SDCCAG8: variants seen among roughly 807,000 people sequenced by gnomAD.
SDCCAG8 encodes the protein SHH signaling and ciliogenesis regulator SDCCAG8, also known as serologically defined colon cancer antigen 8.
SDCCAG8 carries 74 observed loss-of-function variants against 101.8 expected under a neutral mutation model. The ratio of observed to expected loss-of-function variants is 0.73; its 90% confidence interval spans 0.60 to 0.88. SDCCAG8 has a LOEUF of 0.88. Ranked by LOEUF, SDCCAG8 falls within the 40% of genes least tolerant of loss-of-function variation. SDCCAG8 has a pLI of 0.00. For synonymous variants in SDCCAG8, 281 were observed against 292.9 expected (o/e 0.96, Z 0.41); for missense variants, 787 against 822.6 (o/e 0.96, Z 0.53).
chr1:243,409,092 G>C (rs1257910308), intron 13 of SDCCAG8, among the ~76,000 whole-genome samples: 1 of 152,072 alleles, frequency 6.6e-6, no homozygotes, highest in Admixed American at 6.6e-5. Context: ...AACTCAAAAA[G>C]TACCTATACA....
intron 12 of SDCCAG8, among the ~76,000 whole-genome samples, chr1:243,352,588 C>T (rs545851296): frequency 6.6e-6 from 1 of 152,282 alleles, no homozygotes; most frequent in South Asian, 2.1e-4. Flanking sequence ...AAGACAACTA[C>T]ATATGCTTTC....
intron 1 of SDCCAG8, among the ~76,000 whole-genome samples, chr1:243,261,825 T>G (rs1248661097): frequency 6.6e-6 from 1 of 152,082 alleles, no homozygotes; most frequent in African/African-American, 2.4e-5. Context: ...ATATTCATCT[T>G]TTGTTTTATA....
intron 5 of SDCCAG8, among the ~76,000 whole-genome samples, chr1:243,289,517 G>T (rs1387877705): frequency 6.6e-6 from 1 of 152,182 alleles, no homozygotes; most frequent in African/African-American, 2.4e-5. Flanking sequence ...ATTTATTGAT[G>T]ACTACATGGT....
chr1:243,373,255 A>G (rs955847182), intron 12 of SDCCAG8, among the ~76,000 whole-genome samples: 10 of 152,066 alleles, frequency 6.6e-5, no homozygotes, highest in African/African-American at 2.4e-4. Flanking sequence ...GACAATTTTC[A>G]ATGTCTTCAA....
At chr1:243,341,782 G>T (rs977929435) in intron 11 of SDCCAG8, among the ~76,000 whole-genome samples, 3 of 152,056 alleles carry the variant, frequency 2.0e-5, no homozygotes, top group African/African-American at 7.2e-5. Context: ...GTCTTTACTG[G>T]CAATGATTAA....
At chr1:243,374,165 A>C (rs1398719262) in intron 12 of SDCCAG8, among the ~76,000 whole-genome samples, 1 of 152,102 alleles carries the variant, frequency 6.6e-6, no homozygotes, top group African/African-American at 2.4e-5. Flanking sequence ...TCATCAGTCA[A>C]AGAAATCTTC....
chr1:243,389,771 C>G (rs917205130), intron 13 of SDCCAG8, among the ~76,000 whole-genome samples: 7 of 152,102 alleles, frequency 4.6e-5, no homozygotes, highest in African/African-American at 1.7e-4. Context: ...GCCGAGCCTC[C>G]GAAGGGGAAG....
intron 4 of SDCCAG8, among the ~76,000 whole-genome samples, chr1:243,279,276 A>G (rs996066990): frequency 6.6e-6 from 1 of 152,164 alleles, no homozygotes. Flanking sequence ...TGTTTCCTCT[A>G]TTCCTAGTTA....
intron 15 of SDCCAG8, among the ~76,000 whole-genome samples, chr1:243,424,300 C>A (rs1263191173): frequency 3.3e-5 from 5 of 151,934 alleles, no homozygotes; most frequent in Non-Finnish European, 7.4e-5. Flanking sequence ...TCCTTCCACA[C>A]ACAACCTCCC....
intron 12 of SDCCAG8, among the ~76,000 whole-genome samples, chr1:243,364,473 T>A: frequency 6.6e-6 from 1 of 152,156 alleles, no homozygotes; most frequent in Non-Finnish European, 1.5e-5. Flanking sequence ...ATGTTCTCTG[T>A]AATTAGGTAC....
intron 16 of SDCCAG8, among the ~76,000 whole-genome samples, chr1:243,468,705 A>C (rs1660637480): frequency 6.6e-6 from 1 of 152,238 alleles, no homozygotes; most frequent in Non-Finnish European, 1.5e-5. Context: ...TTAATTAATA[A>C]AAATAAAATG....
At chr1:243,386,785 GAGAGAA>G (rs1462125084) in intron 13 of SDCCAG8, among the ~76,000 whole-genome samples, 3 of 152,022 alleles carry the variant, frequency 2.0e-5, no homozygotes, top group Admixed American at 6.6e-5. Flanking sequence ...GAGAGAGAGA[GAGAGAA>G]AGAAAGAAAG....
intron 16 of SDCCAG8, among the ~76,000 whole-genome samples, chr1:243,452,404 G>T (rs2083428839): frequency 8.8e-6 from 1 of 113,918 alleles, no homozygotes; most frequent in African/African-American, 3.5e-5. Flanking sequence ...CCCTTGAGAT[G>T]ATCTCATCTC....
At chr1:243,274,481 G>A (rs764887835) in intron 3 of SDCCAG8, 62 bp from the exon 4 acceptor site, 17 of 942,352 alleles carry the variant, frequency 1.8e-5, no homozygotes, top group African/African-American at 3.3e-5. Context: ...ATCCAAACAT[G>A]CTTAATTTGG....
intron 11 of SDCCAG8, among the ~76,000 whole-genome samples, chr1:243,343,558 A>G (rs955342255): frequency 1.3e-5 from 2 of 152,230 alleles, no homozygotes; most frequent in African/African-American, 4.8e-5. Context: ...ATTTAAATGC[A>G]TATTTTCCTT....
Position 243,416,881 on chromosome 1 carries a change from T to C in SDCCAG8, c.1744+1052T>C, listed in dbSNP as rs1226942208. Among the ~76,000 whole-genome samples, 1 of 152,240 alleles carries C rather than the reference T, an allele frequency of 6.6e-6. No homozygotes were observed. The highest frequency in any genetic ancestry group is 6.5e-5 in the Admixed American group (1 of 15,276). On this transcript the variant is annotated intron_variant, in intron 14 of 17. Coordinates refer to ENST00000366541, the MANE Select transcript of SDCCAG8 (RefSeq NM_006642.5). The surrounding 1 kb of genome is among the most constrained non-coding windows in gnomAD (Gnocchi z 4.3). ...TAGTGCCTTGATTTATTTTGATTTG[T>C]ATGCTATATGCTTTTTGCCAATCAT...
intron 4 of SDCCAG8, among the ~76,000 whole-genome samples, chr1:243,284,485 G>T (rs1471443974): frequency 4.6e-5 from 7 of 152,226 alleles, no homozygotes; most frequent in Non-Finnish European, 8.8e-5. Context: ...CCTATGACTA[G>T]ATCTAAGTCT....
intron 9 of SDCCAG8, among the ~76,000 whole-genome samples, chr1:243,321,095 C>T (rs144483584): frequency 5.9e-5 from 9 of 152,276 alleles, no homozygotes; most frequent in African/African-American, 1.9e-4. Flanking sequence ...CTACTCAATG[C>T]TAGTAGCTTA....
In SDCCAG8 at chr1:243,275,865, T is replaced by G. The variant is rs1216634917; in HGVS notation, c.420+1209T>G. Among the ~76,000 whole-genome samples, 6 of 134,424 alleles carry G rather than the reference T, an allele frequency of 4.5e-5. 2 individuals are homozygous for G. The highest frequency in any genetic ancestry group is 1.4e-4 in the African/African-American group (5 of 34,718). 88.2% of individuals were successfully genotyped at this position (134,424 alleles called of 152,430 possible). ...GAGATCTTGAACCAATGTTTTTTTT[T>G]TTTTTTTTTTTTTTTTTTTGATGGA... On this transcript the variant is annotated intron_variant, in intron 4 of 17. Transcript: ENST00000366541.
Sources: gnomAD v4.1 joint callset for allele counts (sites outside exome capture counted in the v4.1 genomes callset) on GRCh38, gnomAD v4.1.1 for gene constraint, Gnocchi (gnomAD v3.1) non-coding constraint, MANE v1.5 for transcripts, NCBI Gene and HGNC (gene_info 2026-07-23, HGNC 2026-07-21) for gene names.